The following PPP4R1 variants were observed in gnomAD, a reference collection of about 807,000 sequenced individuals.
The protein encoded by PPP4R1 is protein phosphatase 4 regulatory subunit 1.
A neutral mutation model predicts 111.2 loss-of-function variants in PPP4R1; 42 were observed. The ratio of observed to expected loss-of-function variants is 0.38; its 90% CI spans 0.29 to 0.49. The LOEUF (loss-of-function observed/expected upper bound fraction) is 0.49. Ranked by LOEUF, PPP4R1 falls within the 20% of genes least tolerant of loss-of-function variation. The pLI is 0.97. For missense variants in PPP4R1, 1,012 were observed against 1,161.6 expected, an observed-to-expected ratio of 0.87 and a Z score of 1.87; for synonymous variants, 409 against 405.5, an observed-to-expected ratio of 1.01 and a Z score of -0.10.
intron 4 of PPP4R1, among the ~76,000 whole-genome samples, chr18:9,589,263 C>T (rs528111576): frequency 1.3e-5 from 2 of 152,254 alleles, no homozygotes; most frequent in South Asian, 4.1e-4. Context: ...AAACTAGTTC[C>T]TAATCTCAAC....
chr18:9,602,800 G>A lies in PPP4R1; in HGVS notation c.53-7647C>T, dbSNP rs146362540. Among the ~76,000 whole-genome samples the A allele has an allele frequency of 2.9e-3, 408 of 138,874 alleles. 1 individual carries two copies. Among genetic ancestry groups the A allele is most frequent in the Non-Finnish European group, 5.1e-3 (333 of 65,830 alleles). 91.1% of individuals were successfully genotyped at this position (138,874 alleles called of 152,430 possible). A position where few individuals can be genotyped will look rare whatever the true frequency, so the allele number is the denominator to read the frequency against. ...CGCGCCACTGCACTCCAACCTGGGC[G>A]ACGTACTGAGACACTGTCTCAAAAA... On this transcript the variant is annotated intron_variant, in intron 2 of 19. Transcript: ENST00000400556.
At position 9,599,148 on chromosome 18, in the gene PPP4R1, T is replaced by C. The variant is rs78026897; in HGVS notation, c.53-3995A>G. On this transcript the variant is annotated intron_variant, in intron 2 of 19. Coordinates refer to ENST00000400556, the MANE Select transcript of PPP4R1 (RefSeq NM_001042388.3). Reference sequence around the variant, plus strand: ...GTACTAAGAAATAAATGGATAAATATATATTGTGGGGTTCACAACATATGT... The same window carrying C: ...GTACTAAGAAATAAATGGATAAATACATATTGTGGGGTTCACAACATATGT... Among the ~76,000 whole-genome samples the C allele has an allele frequency of 1.2e-4, 19 of 152,284 alleles. 1 individual carries two copies. The East Asian group carries it at 3.3e-3, about 26-fold the overall frequency.
At chr18:9,605,370 G>A (rs933625499) in intron 2 of PPP4R1, among the ~76,000 whole-genome samples, 6 of 151,930 alleles carry the variant, frequency 3.9e-5, no homozygotes, top group Admixed American at 2.0e-4. Context: ...CACTAAATGG[G>A]TAAATGTTTG....
chr18:9,588,614 A>G, intron 5 of PPP4R1, 97 bp downstream of exon 5: 1 of 1,245,458 alleles, frequency 8.0e-7, no homozygotes, highest in Non-Finnish European at 1.1e-6. Flanking sequence ...TTTTTGAAAA[A>G]CAGTAAAACA....
chr18:9,582,648 A>AG (rs2067048745), intron 9 of PPP4R1, among the ~76,000 whole-genome samples: 1 of 152,212 alleles, frequency 6.6e-6, no homozygotes, highest in Admixed American at 6.5e-5. Flanking sequence ...AAAACAGTAG[A>AG]GGAGGGAACA....
intron 11 of PPP4R1, among the ~76,000 whole-genome samples, chr18:9,566,648 GACACACACACACACACACACAC>G (rs56772611): frequency 5.5e-5 from 8 of 144,230 alleles, no homozygotes; most frequent in South Asian, 2.3e-4. Context: ...GAGGCGCTGT[GACACACACACACACACACACAC>G]ACACACACAC....
chr18:9,553,467 A>G, intron 15 of PPP4R1, 45 bp from the exon 16 acceptor site: 2 of 1,344,252 alleles, frequency 1.5e-6, no homozygotes, highest in Non-Finnish European at 2.1e-6. Context: ...AGGTACAGAC[A>G]GTATTTCTTT....
intron 2 of PPP4R1, chr18:9,612,659 G>A (rs2067601846): frequency 1.3e-5 from 2 of 152,126 alleles, no homozygotes; most frequent in Non-Finnish European, 2.9e-5. Flanking sequence ...AGCCCTCCTC[G>A]AGGTAACATA....
chr18:9,563,990 T>C (rs1206263109), intron 11 of PPP4R1: 1 of 153,306 alleles, frequency 6.5e-6, no homozygotes, highest in Non-Finnish European at 1.5e-5. Flanking sequence ...AAGATTCTTG[T>C]CACAGTTACA....
At chr18:9,577,000 T>C (rs2066946232) in intron 10 of PPP4R1, 64 bp downstream of exon 10, 3 of 1,342,554 alleles carry the variant, frequency 2.2e-6, no homozygotes, top group African/African-American at 3.0e-5. Flanking sequence ...GTGGAAATAA[T>C]GTTTAAAAGC....
rs760913728 is a variant in PPP4R1 at position 9,595,582 on chromosome 18, T to C, written c.53-429A>G. Among the ~76,000 whole-genome samples the C allele has an allele frequency of 1.8e-4, 27 of 152,212 alleles. 1 individual carries two copies. The highest frequency in any genetic ancestry group is 3.4e-4 in the Non-Finnish European group (23 of 68,046). Reference sequence around the variant, plus strand: ...AATAGAAGAAAGCTAAAAACATTAATATATTTACATTCATTAAACAAATAT... The same window carrying C: ...AATAGAAGAAAGCTAAAAACATTAACATATTTACATTCATTAAACAAATAT... On this transcript the variant is annotated intron_variant, in intron 2 of 19. Transcript: ENST00000400556.
Position 9,570,402 on chromosome 18 carries a change from T to C in PPP4R1, c.1328A>G (p.Gln443Arg), listed in dbSNP as rs1357715278. Reference sequence around the variant, plus strand: ...TTCCTGATCTAAGAGAGCTGAATCTTGTGAAGTGGTGCCAACCTCTGGTCG... The same window carrying C: ...TTCCTGATCTAAGAGAGCTGAATCTCGTGAAGTGGTGCCAACCTCTGGTCG... The part of the protein sequence containing the change: ...MLRPEVGTTS[Q>R]DSALLDQELY... Residue 443 changes from glutamine to arginine, a missense_variant, in exon 11 of 20, where the codon CAA becomes CGA. Gln to Arg is a conservative substitution (Grantham distance 43). This residue lies in a region of PPP4R1 where 707 missense variants were observed against 742.1 expected (regional missense o/e 0.95). Coordinates refer to ENST00000400556, the MANE Select transcript of PPP4R1 (RefSeq NM_001042388.3). The C allele has an allele frequency of 6.2e-7, 1 of 1,614,092 alleles. No homozygotes were observed. The highest frequency in any genetic ancestry group is 1.1e-5 in the South Asian group (1 of 91,064).
At chr18:9,594,929 T>TCC (rs2067267653) in intron 3 of PPP4R1, 89 bp downstream of exon 3, 1 of 1,443,470 alleles carries the variant, frequency 6.9e-7, no homozygotes, top group Non-Finnish European at 9.4e-7. Context: ...TAATAATACC[T>TCC]CCTTTAAAGT....
intron 2 of PPP4R1, among the ~76,000 whole-genome samples, chr18:9,599,936 C>A (rs537483732): frequency 6.6e-6 from 1 of 152,226 alleles, no homozygotes; most frequent in African/African-American, 2.4e-5. Flanking sequence ...ATGCAGATAC[C>A]TAGATCCCAC....
chr18:9,603,901 AAG>A (rs1162048029), intron 2 of PPP4R1, among the ~76,000 whole-genome samples: 2 of 152,230 alleles, frequency 1.3e-5, no homozygotes, highest in Non-Finnish European at 2.9e-5. Flanking sequence ...GGAAAATGAA[AAG>A]AGATAAAGAA....
chr18:9,564,614 C>G (rs946457259), intron 11 of PPP4R1, among the ~76,000 whole-genome samples: 11 of 151,836 alleles, frequency 7.2e-5, no homozygotes, highest in Admixed American at 2.0e-4. Flanking sequence ...TTTGGGATCA[C>G]TCCCAAGCCA....
intron 4 of PPP4R1, among the ~76,000 whole-genome samples, chr18:9,592,387 T>A (rs2067225629): frequency 6.6e-6 from 1 of 152,140 alleles, no homozygotes; most frequent in African/African-American, 2.4e-5. Flanking sequence ...TCCCTCTCTA[T>A]ACCTCATCTA....
intron 2 of PPP4R1, among the ~76,000 whole-genome samples, chr18:9,610,349 T>C (rs925322304): frequency 7.2e-5 from 11 of 152,248 alleles, no homozygotes; most frequent in Non-Finnish European, 1.3e-4. Context: ...AGATAACCTA[T>C]GTTCAAATGG....
chr18:9,560,068 T>C (rs978798533), intron 13 of PPP4R1, among the ~76,000 whole-genome samples: 5 of 137,002 alleles, frequency 3.6e-5, no homozygotes, highest in Non-Finnish European at 8.0e-5. Context: ...CCAAGGAGGG[T>C]GGATCACTTG....
Sources: gnomAD v4.1 joint callset for allele counts (sites outside exome capture counted in the v4.1 genomes callset) on GRCh38, gnomAD v4.1.1 for gene constraint, gnomAD v4.1.1 regional missense constraint, MANE v1.5 for transcripts, NCBI Gene and HGNC (gene_info 2026-07-23, HGNC 2026-07-21) for gene names.